CHN2: variants seen among roughly 807,000 people sequenced by gnomAD.
CHN2 encodes the protein chimerin 2, also known as beta-chimaerin.
In CHN2, 35 loss-of-function variants were observed where a neutral mutation model predicts 56.3. The observed-to-expected ratio is 0.62, with a 90% CI of 0.47 to 0.82. The LOEUF is 0.82. Ranked by LOEUF, CHN2 falls within the 40% of genes least tolerant of loss-of-function variation. CHN2 has a pLI of 0.00. For missense variants in CHN2, 491 were observed against 580.5 expected (o/e 0.85, Z 1.58); for synonymous variants, 210 against 212.8 (o/e 0.99, Z 0.12).
At chr7:29,226,776 TA>T (rs1308603342) in intron 1 of CHN2, among the ~76,000 whole-genome samples, 8 of 152,338 alleles carry the variant, frequency 5.3e-5, no homozygotes, top group Middle Eastern at 3.4e-3. Context: ...ATAATTAACA[TA>T]ACGAAGATAA....
chr7:29,412,318 G>GTTT (rs1163888411), intron 6 of CHN2, among the ~76,000 whole-genome samples: 8 of 108,288 alleles, frequency 7.4e-5, no homozygotes, highest in African/African-American at 2.5e-4. Context: ...CTGCTAAAGA[G>GTTT]TCTTTTTTTT....
chr7:29,195,786 A>T (rs1321856023), intron 1 of CHN2, among the ~76,000 whole-genome samples: 1 of 152,118 alleles, frequency 6.6e-6, no homozygotes, highest in South Asian at 2.1e-4. Flanking sequence ...TCTATGGTTG[A>T]TCATCGGGTC....
At chr7:29,184,108 T>C (rs910983986) in intron 2 of CHN2, among the ~76,000 whole-genome samples, 1 of 151,392 alleles carries the variant, frequency 6.6e-6, no homozygotes, top group Non-Finnish European at 1.5e-5. Flanking sequence ...CAATCTCCCA[T>C]GGATACCAAA....
chr7:29,455,953 C>G (rs1784721573), intron 6 of CHN2, among the ~76,000 whole-genome samples: 3 of 152,206 alleles, frequency 2.0e-5, no homozygotes, highest in African/African-American at 7.2e-5. Flanking sequence ...CTCAACTAAA[C>G]TTTGGAGTAG....
intron 2 of CHN2, among the ~76,000 whole-genome samples, chr7:29,360,647 T>A (rs1585158111): frequency 6.6e-6 from 1 of 152,184 alleles, no homozygotes; most frequent in African/African-American, 2.4e-5. Flanking sequence ...GGTTTTCCCA[T>A]GAAAATCGGG....
chr7:29,393,627 T>C, intron 3 of CHN2, 52 bp from the exon 4 acceptor site: 1 of 783,656 alleles, frequency 1.3e-6, no homozygotes, highest in South Asian at 1.5e-5. Context: ...CATTTTTATC[T>C]AGCTGATTTG....
chr7:29,319,445 T>G (rs1437452998), intron 1 of CHN2, among the ~76,000 whole-genome samples: 1 of 152,176 alleles, frequency 6.6e-6, no homozygotes, highest in Non-Finnish European at 1.5e-5. Context: ...TCACCTTATT[T>G]TTATACTAGC....
intron 1 of CHN2, among the ~76,000 whole-genome samples, chr7:29,252,597 T>TTTTTTTTTTTTTTG (rs1788705497): frequency 2.3e-5 from 1 of 43,782 alleles, no homozygotes; most frequent in African/African-American, 1.8e-4. Flanking sequence ...TTTTTTTTTT[T>TTTTTTTTTTTTTTG]TTTTTTTTTG....
intron 1 of CHN2, among the ~76,000 whole-genome samples, chr7:29,335,182 A>G (rs78834042): frequency 0.026 from 3,925 of 152,304 alleles, 160 homozygotes; most frequent in African/African-American, 0.09. Context: ...GAGTGGAACA[A>G]TATGGAGTCA....
At chr7:29,231,530 C>G (rs1165458000) in intron 1 of CHN2, among the ~76,000 whole-genome samples, 1 of 152,026 alleles carries the variant, frequency 6.6e-6, no homozygotes, top group African/African-American at 2.4e-5. Context: ...GCAACAGCAA[C>G]AAAGAGATAT....
intron 7 of CHN2, among the ~76,000 whole-genome samples, chr7:29,486,783 A>C (rs1334268888): frequency 6.6e-6 from 1 of 152,106 alleles, no homozygotes; most frequent in Non-Finnish European, 1.5e-5. Context: ...GGAGGCCAGG[A>C]CTAGAAGTTC....
rs373245701 is a variant in CHN2 at position 29,232,830 on chromosome 7, T to G, written c.49+37840T>G. On this transcript the variant is annotated intron_variant, in intron 1 of 12. Transcript: ENST00000222792. ...TTATACTCCCTGTGAAAACTTCAGT[T>G]ATTTTTGTGACAGACATTATTTTAA... is the stretch of plus-strand genomic sequence containing the variant. Among the ~76,000 whole-genome samples the G allele has an allele frequency of 2.8e-4, 42 of 152,356 alleles. 1 individual carries two copies. Among genetic ancestry groups the G allele is most frequent in the Middle Eastern group, 6.8e-3 (2 of 294 alleles).
chr7:29,364,267 T>C (rs547811358), intron 2 of CHN2, among the ~76,000 whole-genome samples: 2 of 152,344 alleles, frequency 1.3e-5, no homozygotes, highest in East Asian at 1.9e-4. Context: ...CTCCACATAA[T>C]GCTGACTGTG....
intron 2 of CHN2, among the ~76,000 whole-genome samples, chr7:29,159,833 T>C (rs187249172): frequency 6.6e-6 from 1 of 152,306 alleles, no homozygotes; most frequent in Non-Finnish European, 1.5e-5. Context: ...CAGGAAATTA[T>C]TGTGATTTGT....
intron 8 of CHN2, among the ~76,000 whole-genome samples, chr7:29,498,183 T>C (rs1393159919): frequency 6.6e-6 from 1 of 152,266 alleles, no homozygotes; most frequent in Non-Finnish European, 1.5e-5. Flanking sequence ...ATTTATTTTA[T>C]TTGACCTAAC....
intron 6 of CHN2, among the ~76,000 whole-genome samples, chr7:29,467,406 T>C (rs1317391541): frequency 2.0e-5 from 3 of 152,256 alleles, no homozygotes; most frequent in East Asian, 3.9e-4. Flanking sequence ...AGAGCATGGA[T>C]ATGGATCAGA....
At chr7:29,310,120 G>T (rs904547735) in intron 1 of CHN2, among the ~76,000 whole-genome samples, 1 of 152,114 alleles carries the variant, frequency 6.6e-6, no homozygotes, top group African/African-American at 2.4e-5. Flanking sequence ...CTTCAACATG[G>T]TTACACGGAT....
At chr7:29,416,855 T>G (rs1260776296) in intron 6 of CHN2, among the ~76,000 whole-genome samples, 1 of 152,244 alleles carries the variant, frequency 6.6e-6, no homozygotes, top group Non-Finnish European at 1.5e-5. Flanking sequence ...AACTGCACCT[T>G]AGGCGTTCTC....
Position 29,262,006 on chromosome 7 carries a change from A to G in CHN2, c.49+67016A>G, listed in dbSNP as rs906359070. Among the ~76,000 whole-genome samples, 11 of 152,274 alleles carry G rather than the reference A, an allele frequency of 7.2e-5. No homozygotes were observed. In the East Asian group the frequency reaches 1.2e-3, roughly 16 times the overall value. Reference sequence around the variant, plus strand: ...AACATGGTGAAACTTCATCTCTACAAAACATACAAAAATTAGCCAGGCATG... The same window carrying G: ...AACATGGTGAAACTTCATCTCTACAGAACATACAAAAATTAGCCAGGCATG... On this transcript the variant is annotated intron_variant, in intron 1 of 12. Transcript: ENST00000222792.
Sources: allele counts gnomAD v4.1 joint callset (sites outside exome capture counted in the v4.1 genomes callset), GRCh38; gene constraint gnomAD v4.1.1; transcripts MANE v1.5; gene names NCBI Gene and HGNC (gene_info 2026-07-23, HGNC 2026-07-21).